The following DIAPH3 variants were observed in gnomAD, a reference collection of about 807,000 sequenced individuals.
DIAPH3 encodes protein diaphanous homolog 3.
A neutral mutation model predicts 144.3 loss-of-function variants in DIAPH3; 117 were observed. That is an observed-to-expected ratio of 0.81 (90% confidence interval 0.70 to 0.95). DIAPH3 has a LOEUF of 0.95. DIAPH3 is among the 40% of genes least tolerant of loss of function. DIAPH3 has a pLI of 0.00. For missense variants in DIAPH3, 1,421 were observed against 1,412.7 expected (o/e 1.01, Z -0.09); for synonymous variants, 519 against 488.9 (o/e 1.06, Z -0.81).
At chr13:59,866,650 A>G (rs1468018752) in intron 21 of DIAPH3, among the ~76,000 whole-genome samples, 1 of 152,108 alleles carries the variant, frequency 6.6e-6, no homozygotes, top group African/African-American at 2.4e-5. Flanking sequence ...AACTCTTTAT[A>G]TATTTCTAAT....
chr13:59,750,753 G>A (rs188441592), intron 27 of DIAPH3, among the ~76,000 whole-genome samples: 24 of 152,286 alleles, frequency 1.6e-4, no homozygotes, highest in Non-Finnish European at 2.6e-4. Flanking sequence ...AGGAATAACC[G>A]TTGATCTGTC....
At chr13:59,855,586 A>G (rs945071232) in intron 22 of DIAPH3, among the ~76,000 whole-genome samples, 7 of 152,118 alleles carry the variant, frequency 4.6e-5, no homozygotes, top group African/African-American at 1.7e-4. Context: ...AGATGACTGC[A>G]GATAGTCAAA....
chr13:59,767,362 T>C (rs913713053), intron 27 of DIAPH3, among the ~76,000 whole-genome samples: 3 of 152,096 alleles, frequency 2.0e-5, no homozygotes, highest in African/African-American at 4.8e-5. Context: ...ACACAACACA[T>C]AGAAACAGAG....
intron 24 of DIAPH3, among the ~76,000 whole-genome samples, chr13:59,819,006 T>C (rs999909545): frequency 1.3e-4 from 20 of 151,838 alleles, no homozygotes; most frequent in African/African-American, 4.8e-4. Flanking sequence ...TGGAGGCCTA[T>C]ATGTATTACT....
intron 24 of DIAPH3, among the ~76,000 whole-genome samples, chr13:59,816,605 T>G (rs2056910220): frequency 5.3e-5 from 8 of 151,854 alleles, no homozygotes; most frequent in Admixed American, 4.6e-4. Context: ...TGTCACTTTT[T>G]CTTTCATTTA....
At chr13:59,965,752 T>C (rs1594152256) in intron 17 of DIAPH3, among the ~76,000 whole-genome samples, 1 of 152,270 alleles carries the variant, frequency 6.6e-6, no homozygotes, top group East Asian at 1.9e-4. Flanking sequence ...TTATTATGCT[T>C]CAACTAAGTA....
intron 4 of DIAPH3, among the ~76,000 whole-genome samples, chr13:60,046,850 A>T (rs1374582983): frequency 1.3e-5 from 2 of 152,202 alleles, no homozygotes; most frequent in African/African-American, 4.8e-5. Context: ...GGAAACCATC[A>T]TTCTCAGCAA....
At chr13:60,083,023 C>T (rs1403820423) in intron 4 of DIAPH3, among the ~76,000 whole-genome samples, 1 of 151,986 alleles carries the variant, frequency 6.6e-6, no homozygotes, top group Admixed American at 6.6e-5. Context: ...ATCCTTGGCC[C>T]TCAGCTTGTA....
At chr13:59,909,296 A>T (rs1377145088) in intron 20 of DIAPH3, among the ~76,000 whole-genome samples, 1 of 151,800 alleles carries the variant, frequency 6.6e-6, no homozygotes, top group African/African-American at 2.4e-5. Context: ...GAGTACAGAA[A>T]ATTTCAGACA....
rs1272054728 is a variant in DIAPH3, at chr13:59,679,275, G to A, written c.3320-12429C>T. On this transcript the variant is annotated intron_variant, in intron 27 of 27. Transcript: ENST00000400324. ...CTGCACTGAGGTCTCTGTAAAATTGGTTTCTGTAAACAACTCATTTTTAAC... is the reference window on the plus strand; with the variant it reads ...CTGCACTGAGGTCTCTGTAAAATTGATTTCTGTAAACAACTCATTTTTAAC... Among the ~76,000 whole-genome samples, 3 of 152,234 alleles carry A rather than the reference G, an allele frequency of 2.0e-5. No individual in the cohort carries two copies. The East Asian group carries it at 5.8e-4, about 29-fold the overall frequency.
chr13:59,990,569 T>G (rs1161589018), intron 12 of DIAPH3, among the ~76,000 whole-genome samples: 1 of 151,914 alleles, frequency 6.6e-6, no homozygotes, highest in Non-Finnish European at 1.5e-5. Context: ...TTTACCCACA[T>G]TCCCATATTT....
At chr13:59,872,862 T>C (rs943089114) in intron 21 of DIAPH3, among the ~76,000 whole-genome samples, 12 of 152,284 alleles carry the variant, frequency 7.9e-5, no homozygotes, top group African/African-American at 2.4e-4. Flanking sequence ...ATGCTTGCTA[T>C]GAGAGCAGGA....
At chr13:59,921,586 A>G (rs2047522313) in intron 18 of DIAPH3, among the ~76,000 whole-genome samples, 1 of 152,024 alleles carries the variant, frequency 6.6e-6, no homozygotes, top group Admixed American at 6.6e-5. Flanking sequence ...GAAATTAGTA[A>G]TAAGTAGTTT....
chr13:59,865,929 C>T (rs768290537), intron 21 of DIAPH3, among the ~76,000 whole-genome samples: 71 of 152,132 alleles, frequency 4.7e-4, no homozygotes, highest in African/African-American at 1.7e-3. Context: ...ATGAAACTTA[C>T]ATCTTAAGAA....
At chr13:59,853,355 T>C (rs1270056370) in intron 22 of DIAPH3, among the ~76,000 whole-genome samples, 1 of 152,172 alleles carries the variant, frequency 6.6e-6, no homozygotes, top group African/African-American at 2.4e-5. Flanking sequence ...CCCTCCCAAA[T>C]CTCACGTTGA....
intron 3 of DIAPH3, 55 bp downstream of exon 3, chr13:60,111,955 G>T: frequency 6.3e-7 from 1 of 1,586,594 alleles, no homozygotes; most frequent in South Asian, 1.1e-5. Flanking sequence ...CCATTAACAT[G>T]AGCAAAAGCT....
At chr13:59,924,679 A>G in intron 18 of DIAPH3, 96 bp downstream of exon 18, 3 of 1,492,262 alleles carry the variant, frequency 2.0e-6, no homozygotes, top group Admixed American at 2.2e-5. Context: ...AACAAAATGA[A>G]AATAGCAAAT....
chr13:59,978,440 AAATATCTATTTCATAAATCC>A lies in DIAPH3; in HGVS notation c.1545+2335_1545+2354del, dbSNP rs1333904522. On this transcript the variant is annotated intron_variant, in intron 14 of 27. Coordinates refer to ENST00000400324, the MANE Select transcript of DIAPH3 (RefSeq NM_001042517.2). The stretch of plus-strand genomic sequence containing the variant: ...CTACAATATCAATATGTGAATTATG[AAATATCTATTTCATAAATCC>A]TAGACTAAAATTCATAAGGAAAAAG... 2.0e-5 allele frequency among the ~76,000 whole-genome samples: 3 copies of A among 151,736 alleles called. No individual in the cohort carries two copies. The East Asian group carries it at 5.8e-4, about 29-fold the overall frequency.
intron 20 of DIAPH3, among the ~76,000 whole-genome samples, chr13:59,882,619 C>T (rs1779499276): frequency 6.6e-6 from 1 of 151,982 alleles, no homozygotes; most frequent in South Asian, 2.1e-4. Flanking sequence ...AACTATGGTG[C>T]TCAAATAATA....
Sources: gnomAD v4.1 joint callset for allele counts (sites outside exome capture counted in the v4.1 genomes callset) on GRCh38, gnomAD v4.1.1 for gene constraint, MANE v1.5 for transcripts, NCBI Gene and HGNC (gene_info 2026-07-23, HGNC 2026-07-21) for gene names.